FNDC3B: variants seen among roughly 807,000 people sequenced by gnomAD.
FNDC3B encodes the protein fibronectin type III domain containing 3B.
FNDC3B carries 12 observed loss-of-function variants against 151.5 expected under a neutral mutation model. That is an observed-to-expected ratio of 0.08 (90% CI 0.05 to 0.13). FNDC3B has a LOEUF of 0.13. FNDC3B is among the 10% of genes least tolerant of loss of function. The probability of loss-of-function intolerance (pLI) is 1.00; values close to 1 mark genes in which losing one functional copy is unlikely to be tolerated. For synonymous variants in FNDC3B, 528 were observed against 549.0 expected (o/e 0.96, Z 0.54); for missense variants, 1,214 against 1,505.3 (o/e 0.81, Z 3.20).
At chr3:172,338,038 A>G (rs1478330276) in intron 16 of FNDC3B, 3 of 152,532 alleles carry the variant, frequency 2.0e-5, no homozygotes, top group African/African-American at 7.2e-5. Context: ...GGAAATTCTT[A>G]TAAGCAGCCG....
At position 172,397,242 on chromosome 3, in the gene FNDC3B, T is replaced by C; in HGVS notation, c.3382T>C (p.Cys1128Arg). The C allele has an allele frequency of 1.2e-6, 2 of 1,614,178 alleles. No homozygotes were observed. Among genetic ancestry groups the C allele is most frequent in the Non-Finnish European group, 1.7e-6 (2 of 1,180,024 alleles). The change falls in exon 26 of 26, where the codon TGT becomes CGT. Residue 1128 changes from cysteine to arginine, a missense_variant. This residue lies in a region of FNDC3B where 284 missense variants were observed against 392.4 expected (regional missense o/e 0.72). Transcript: ENST00000415807. ...AGACTACAGGTTCCGCGTATGTGCG[T>C]GTCGTCGCTGTTTAGACACCTCTCA... ...NTDYRFRVCA[C>R]RRCLDTSQEL...
intron 12 of FNDC3B, 53 bp from the exon 13 acceptor site, chr3:172,330,488 G>T: frequency 1.3e-5 from 20 of 1,508,254 alleles, no homozygotes; most frequent in Non-Finnish European, 1.8e-5. Flanking sequence ...CTTTTAAAAT[G>T]CCAAGCCTCT....
intron 3 of FNDC3B, among the ~76,000 whole-genome samples, chr3:172,165,571 TCTCA>T (rs1722966840): frequency 6.6e-6 from 1 of 152,224 alleles, no homozygotes; most frequent in Non-Finnish European, 1.5e-5. Flanking sequence ...TATCTTATAA[TCTCA>T]CTCTAGATTG....
intron 25 of FNDC3B, among the ~76,000 whole-genome samples, chr3:172,391,847 G>T (rs1033547222): frequency 6.6e-6 from 1 of 152,074 alleles, no homozygotes; most frequent in Admixed American, 6.6e-5. Flanking sequence ...CTTCATGAAC[G>T]GTTTCCAAGA....
chr3:172,039,652 G>C lies in FNDC3B; in HGVS notation c.-148G>C, dbSNP rs931883230. 3.0e-5 allele frequency: 5 copies of C among 165,502 alleles called. No homozygotes were observed. The highest frequency in any genetic ancestry group is 1.9e-4 in the Admixed American group (3 of 15,400). The allele number at this position is 165,502 out of a possible 1,614,324, so 10.3% of individuals were successfully genotyped here. On this transcript the variant is annotated 5_prime_UTR_variant, in exon 1 of 26. Transcript: ENST00000415807. ...GGCGGCGGCGGCGGCTGGAGGAGGA[G>C]AGCGGCGGCGGCGGGAGCAGCGAAG... is the stretch of plus-strand genomic sequence containing the variant.
intron 6 of FNDC3B, among the ~76,000 whole-genome samples, chr3:172,264,655 G>A (rs1013904441): frequency 6.6e-6 from 1 of 152,014 alleles, no homozygotes; most frequent in African/African-American, 2.4e-5. Context: ...TACTGCTGAG[G>A]TATTTTTTAT....
chr3:172,260,146 T>C (rs1046373218), intron 6 of FNDC3B, among the ~76,000 whole-genome samples: 1 of 152,260 alleles, frequency 6.6e-6, no homozygotes, highest in Non-Finnish European at 1.5e-5. Flanking sequence ...AAGAACCCTT[T>C]AAACAGCAGG....
Position 172,125,809 on chromosome 3 carries a change from T to C in FNDC3B, c.112-7662T>C, listed in dbSNP as rs1720782844. On this transcript the variant is annotated intron_variant, in intron 2 of 25. Coordinates refer to ENST00000415807, the MANE Select transcript of FNDC3B (RefSeq NM_022763.4). Reference sequence around the variant, plus strand: ...CCTGTTTTCTAAGGGGAATACAGAATTAAGTGTCACGCAGATTTTTACTAT... The same window carrying C: ...CCTGTTTTCTAAGGGGAATACAGAACTAAGTGTCACGCAGATTTTTACTAT... Among the ~76,000 whole-genome samples, 4 of 152,226 alleles carry C rather than the reference T, an allele frequency of 2.6e-5. No individual in the cohort carries two copies. The South Asian group carries it at 8.3e-4, about 31-fold the overall frequency.
At chr3:172,102,421 T>G (rs62283809) in intron 1 of FNDC3B, among the ~76,000 whole-genome samples, 27,361 of 151,900 alleles carry the variant, frequency 0.18, 4,665 homozygotes, top group African/African-American at 0.45. Context: ...TATTCAAGGG[T>G]GTTATGCATG....
intron 1 of FNDC3B, among the ~76,000 whole-genome samples, chr3:172,108,012 A>T (rs1719746723): frequency 6.6e-6 from 1 of 152,132 alleles, no homozygotes; most frequent in Non-Finnish European, 1.5e-5. Context: ...TACTAAAAAT[A>T]CAAAAAATAG....
intron 3 of FNDC3B, among the ~76,000 whole-genome samples, chr3:172,182,625 T>C (rs1291786808): frequency 6.6e-6 from 1 of 152,284 alleles, no homozygotes; most frequent in East Asian, 1.9e-4. Context: ...TGCAGTCAAG[T>C]CCAGACTGCA....
chr3:172,391,623 A>T (rs1736013010), intron 25 of FNDC3B, among the ~76,000 whole-genome samples: 2 of 152,224 alleles, frequency 1.3e-5, no homozygotes, highest in Non-Finnish European at 2.9e-5. Flanking sequence ...CCTGCAAAAG[A>T]ATCAGTGAAA....
intron 4 of FNDC3B, among the ~76,000 whole-genome samples, chr3:172,228,319 C>T (rs919936429): frequency 6.6e-5 from 10 of 152,166 alleles, no homozygotes; most frequent in Non-Finnish European, 1.2e-4. Context: ...ATGTCTCCTG[C>T]TCATGTATTT....
intron 11 of FNDC3B, among the ~76,000 whole-genome samples, chr3:172,324,033 T>C (rs1732220899): frequency 6.6e-6 from 1 of 152,046 alleles, no homozygotes; most frequent in Admixed American, 6.5e-5. Flanking sequence ...GTGTCCAGCT[T>C]AGGGCAGGTG....
rs111581264 is a variant in FNDC3B at position 172,111,351 on chromosome 3, G to A, written c.-28-1101G>A. ...CATGAGGATAAACTATCAGGCTTTG[G>A]GCTTGGTACTTTTATTTGCTTAGGA... is the stretch of plus-strand genomic sequence containing the variant. On this transcript the variant is annotated intron_variant, in intron 1 of 25. Coordinates refer to ENST00000415807, the MANE Select transcript of FNDC3B (RefSeq NM_022763.4). Among the ~76,000 whole-genome samples, 959 of 152,106 alleles carry A rather than the reference G, an allele frequency of 6.3e-3. 5 individuals carry two copies. Among genetic ancestry groups the A allele is most frequent in the African/African-American group, 0.022 (904 of 41,504 alleles).
intron 12 of FNDC3B, chr3:172,330,331 GGT>G (rs1732579196): frequency 1.5e-5 from 7 of 478,588 alleles, no homozygotes; most frequent in Non-Finnish European, 1.9e-5. Context: ...CCTGTGACTT[GGT>G]GTGTGTGTCT....
intron 11 of FNDC3B, among the ~76,000 whole-genome samples, chr3:172,315,140 G>C (rs1042284637): frequency 3.3e-5 from 5 of 152,184 alleles, no homozygotes; most frequent in African/African-American, 1.2e-4. Context: ...ACTTTGGGAG[G>C]CCCAGACGGG....
At chr3:172,307,205 A>T (rs1180873172) in intron 9 of FNDC3B, 158 bp from the exon 10 acceptor site, 1 of 698,426 alleles carries the variant, frequency 1.4e-6, no homozygotes, top group Non-Finnish European at 2.4e-6. Context: ...AATGCTAACC[A>T]TAGGTCAGGA....
intron 1 of FNDC3B, among the ~76,000 whole-genome samples, chr3:172,109,546 C>G (rs62283817): frequency 0.053 from 8,030 of 152,326 alleles, 362 homozygotes; most frequent in East Asian, 0.22. Context: ...CTGCTGGGCT[C>G]ACAGTGGCCT....
Sources: allele counts gnomAD v4.1 joint callset (sites outside exome capture counted in the v4.1 genomes callset), GRCh38; gene constraint gnomAD v4.1.1; regional missense constraint gnomAD v4.1.1; transcripts MANE v1.5; gene names NCBI Gene and HGNC (gene_info 2026-07-23, HGNC 2026-07-21).